DLG2: variants seen among roughly 807,000 people sequenced by gnomAD.
DLG2 encodes discs large MAGUK scaffold protein 2.
DLG2 carries 45 observed loss-of-function variants against 132.5 expected under a neutral mutation model. That is an observed-to-expected ratio of 0.34 (90% CI 0.27 to 0.44). DLG2 has a LOEUF of 0.44. DLG2 is among the 20% of genes least tolerant of loss of function. DLG2 has a pLI of 1.00. For missense variants in DLG2, 1,045 were observed against 1,196.9 expected, an observed-to-expected ratio of 0.87 and a Z score of 1.87; for synonymous variants, 424 against 419.6, an observed-to-expected ratio of 1.01 and a Z score of -0.13.
At chr11:85,498,552 C>T (rs916809144) in intron 3 of DLG2, among the ~76,000 whole-genome samples, 2 of 152,112 alleles carry the variant, frequency 1.3e-5, no homozygotes, top group Admixed American at 1.3e-4. Flanking sequence ...ATATCCAGGA[C>T]TTGAACACAC....
chr11:84,358,118 C>T (rs921384656), intron 7 of DLG2, among the ~76,000 whole-genome samples: 1 of 152,068 alleles, frequency 6.6e-6, no homozygotes, highest in Admixed American at 6.6e-5. Context: ...AGGTACTCAA[C>T]ATGTCAGCCA....
rs148054405 is a variant in DLG2 at position 84,181,875 on chromosome 11, C to A, written c.574-18364G>T. On this transcript the variant is annotated intron_variant, in intron 8 of 27. Coordinates refer to ENST00000376104, the MANE Select transcript of DLG2 (RefSeq NM_001142699.3). ...GGCTGAACAACAGAGTGCCAAAATA[C>A]ATGGGGGTAAAAACCCATAGAATAG... Among the ~76,000 whole-genome samples the A allele has an allele frequency of 8.5e-3, 1,300 of 152,202 alleles. 20 individuals are homozygous for A. Among genetic ancestry groups the A allele is most frequent in the African/African-American group, 0.023 (964 of 41,538 alleles).
chr11:84,087,108 C>T (rs2096997833), intron 10 of DLG2, among the ~76,000 whole-genome samples: 1 of 152,130 alleles, frequency 6.6e-6, no homozygotes, highest in Non-Finnish European at 1.5e-5. Flanking sequence ...CATAATGGTG[C>T]TATGAACCTT....
chr11:84,046,188 A>G (rs985872718), intron 11 of DLG2, among the ~76,000 whole-genome samples: 2 of 151,570 alleles, frequency 1.3e-5, no homozygotes, highest in Admixed American at 6.6e-5. Context: ...TCTATACCCA[A>G]TTTTTAGTCT....
intron 5 of DLG2, among the ~76,000 whole-genome samples, chr11:85,115,049 T>A (rs1260630926): frequency 1.3e-5 from 2 of 151,934 alleles, no homozygotes; most frequent in African/African-American, 4.8e-5. Flanking sequence ...TGTTCTACTG[T>A]TCACAGTAAA....
At chr11:84,871,153 G>A (rs993505116) in intron 6 of DLG2, among the ~76,000 whole-genome samples, 33 of 152,096 alleles carry the variant, frequency 2.2e-4, no homozygotes, top group Non-Finnish European at 1.3e-4. Flanking sequence ...CTTAAAGACA[G>A]GCCATAGATT....
At chr11:84,924,944 CT>C (rs1428622529) in intron 6 of DLG2, among the ~76,000 whole-genome samples, 3 of 152,150 alleles carry the variant, frequency 2.0e-5, no homozygotes, top group African/African-American at 7.2e-5. Flanking sequence ...GTTAATAACA[CT>C]TTCCCCTCCC....
intron 6 of DLG2, among the ~76,000 whole-genome samples, chr11:84,849,426 T>C (rs1300736031): frequency 6.6e-6 from 1 of 152,170 alleles, no homozygotes; most frequent in Admixed American, 6.6e-5. Context: ...TCCTCCATAA[T>C]ACTTGTCCTT....
chr11:85,296,059 A>T (rs886924419), intron 3 of DLG2, among the ~76,000 whole-genome samples: 3 of 152,194 alleles, frequency 2.0e-5, no homozygotes, highest in Non-Finnish European at 4.4e-5. Context: ...CAGAGTATTC[A>T]ATAAATATTA....
intron 3 of DLG2, among the ~76,000 whole-genome samples, chr11:85,570,051 C>G (rs968552866): frequency 6.6e-6 from 1 of 152,138 alleles, no homozygotes; most frequent in African/African-American, 2.4e-5. Flanking sequence ...GTAGTTACTA[C>G]GCTCACTACC....
At chr11:83,468,366 A>G (rs2091506218) in intron 25 of DLG2, among the ~76,000 whole-genome samples, 1 of 152,216 alleles carries the variant, frequency 6.6e-6, no homozygotes, top group Admixed American at 6.5e-5. Flanking sequence ...CAGTCAGAAC[A>G]TTTCAAGTTA....
At chr11:83,753,815 T>C (rs1220783179) in intron 18 of DLG2, among the ~76,000 whole-genome samples, 1 of 56,946 alleles carries the variant, frequency 1.8e-5, no homozygotes. Context: ...ATATATCATA[T>C]ATATATTTCA....
At chr11:83,704,756 G>T (rs1203244867) in intron 18 of DLG2, among the ~76,000 whole-genome samples, 1 of 152,062 alleles carries the variant, frequency 6.6e-6, no homozygotes. Flanking sequence ...GAACCTGGAA[G>T]GCGGAGGTGG....
chr11:83,514,739 AG>A (rs1412247848), intron 21 of DLG2, among the ~76,000 whole-genome samples: 16 of 152,144 alleles, frequency 1.1e-4, no homozygotes, highest in Non-Finnish European at 1.5e-4. Context: ...TTTAGCATGA[AG>A]GGTTGTTGAA....
intron 7 of DLG2, among the ~76,000 whole-genome samples, chr11:84,504,267 G>T (rs1423172545): frequency 1.3e-5 from 2 of 152,074 alleles, no homozygotes; most frequent in African/African-American, 2.4e-5. Context: ...CTACAAAGGG[G>T]TGAAATGTTT....
intron 9 of DLG2, among the ~76,000 whole-genome samples, chr11:84,154,650 T>C (rs2095387936): frequency 6.6e-6 from 1 of 151,996 alleles, no homozygotes; most frequent in South Asian, 2.1e-4. Context: ...CCTCCCCCCT[T>C]CCCCCACCCC....
At chr11:84,129,135 A>G (rs1225429001) in intron 9 of DLG2, among the ~76,000 whole-genome samples, 1 of 152,172 alleles carries the variant, frequency 6.6e-6, no homozygotes, top group East Asian at 1.9e-4. Flanking sequence ...AGATAGTATT[A>G]TAGTTAGATG....
At chr11:84,470,966 G>A (rs1432742261) in intron 7 of DLG2, among the ~76,000 whole-genome samples, 5 of 151,704 alleles carry the variant, frequency 3.3e-5, no homozygotes, top group Non-Finnish European at 7.4e-5. Flanking sequence ...ATCAGGACAG[G>A]GAGCCCTCCC....
chr11:84,726,437 C>A (rs1417274311), intron 6 of DLG2, among the ~76,000 whole-genome samples: 2 of 152,134 alleles, frequency 1.3e-5, no homozygotes, highest in African/African-American at 4.8e-5. Context: ...CTGCAAAGGA[C>A]ATAAAGTCAC....
Sources: allele counts gnomAD v4.1 joint callset (sites outside exome capture counted in the v4.1 genomes callset), GRCh38; gene constraint gnomAD v4.1.1; transcripts MANE v1.5; gene names NCBI Gene and HGNC (gene_info 2026-07-23, HGNC 2026-07-21).